The following NXPH1 variants were observed in gnomAD, a reference collection of about 807,000 sequenced individuals.
The protein encoded by NXPH1 is neurexophilin 1.
Under a neutral mutation model 23.7 loss-of-function variants are expected in NXPH1, and 5 were observed. The ratio of observed to expected loss-of-function variants is 0.21; its 90% CI spans 0.11 to 0.44. The LOEUF (loss-of-function observed/expected upper bound fraction) is 0.44. NXPH1 is among the 20% of genes least tolerant of loss of function. The probability of loss-of-function intolerance (pLI) is 0.99; values close to 1 mark genes in which losing one functional copy is unlikely to be tolerated. For missense variants in NXPH1, 324 were observed against 321.6 expected (o/e 1.01, Z -0.06); for synonymous variants, 144 against 122.2 (o/e 1.18, Z -1.18).
At chr7:8,515,372 C>T (rs1817671275) in intron 2 of NXPH1, among the ~76,000 whole-genome samples, 1 of 151,996 alleles carries the variant, frequency 6.6e-6, no homozygotes, top group Admixed American at 6.6e-5. Context: ...TATGCTGCTC[C>T]AAAGGCTAAT....
chr7:8,596,688 C>T (rs1024941074), intron 2 of NXPH1, among the ~76,000 whole-genome samples: 1 of 152,036 alleles, frequency 6.6e-6, no homozygotes, highest in African/African-American at 2.4e-5. Context: ...TTATCATGAT[C>T]CTTATTTTAC....
chr7:8,499,587 G>A (rs74933446), intron 2 of NXPH1, among the ~76,000 whole-genome samples: 2,811 of 152,198 alleles, frequency 0.018, 91 homozygotes, highest in African/African-American at 0.064. Context: ...GTAAGTGAGT[G>A]TATGCAGCAT....
Position 8,442,122 on chromosome 7 carries a change from A to G in NXPH1, c.54+6355A>G, listed in dbSNP as rs1816311436. ...AGCTCCTCTCGGGCCACGGCTTACG[A>G]AAAGCTTTCCTAGCTCCTTCTTCCT... is the stretch of plus-strand genomic sequence containing the variant. On this transcript the variant is annotated intron_variant, in intron 2 of 2. Coordinates refer to ENST00000405863, the MANE Select transcript of NXPH1 (RefSeq NM_152745.3). This position sits in a 1 kb window ranked among gnomAD's most constrained non-coding sequence, Gnocchi z 4.6. Among the ~76,000 whole-genome samples the G allele has an allele frequency of 6.6e-6, 1 of 152,150 alleles. No homozygotes were observed. Among genetic ancestry groups the G allele is most frequent in the African/African-American group, 2.4e-5 (1 of 41,428 alleles).
chr7:8,579,424 G>A (rs904472553), intron 2 of NXPH1, among the ~76,000 whole-genome samples: 9 of 150,654 alleles, frequency 6.0e-5, no homozygotes, highest in African/African-American at 2.2e-4. Context: ...CCAGGCTAGA[G>A]TGCAATGGTG....
chr7:8,477,834 A>G (rs1817002927), intron 2 of NXPH1, among the ~76,000 whole-genome samples: 1 of 152,142 alleles, frequency 6.6e-6, no homozygotes, highest in Admixed American at 6.6e-5. Context: ...CTTATTGTAG[A>G]GAAAGATTGA....
At chr7:8,713,516 T>C (rs1233859483) in intron 2 of NXPH1, among the ~76,000 whole-genome samples, 1 of 152,104 alleles carries the variant, frequency 6.6e-6, no homozygotes, top group East Asian at 1.9e-4. Context: ...ATTTTTTTTT[T>C]TTTGCTACCT....
intron 2 of NXPH1, among the ~76,000 whole-genome samples, chr7:8,483,591 G>A (rs1399183364): frequency 1.3e-5 from 2 of 152,094 alleles, no homozygotes; most frequent in Non-Finnish European, 2.9e-5. Flanking sequence ...TTACAGGCGT[G>A]CACCACCACA....
At chr7:8,689,100 G>A (rs541739018) in intron 2 of NXPH1, among the ~76,000 whole-genome samples, 19 of 152,224 alleles carry the variant, frequency 1.2e-4, no homozygotes, top group Admixed American at 1.1e-3. Flanking sequence ...CACGTATTGT[G>A]CCATTCATTA....
intron 2 of NXPH1, among the ~76,000 whole-genome samples, chr7:8,609,211 A>T (rs994403936): frequency 5.9e-5 from 9 of 152,194 alleles, no homozygotes; most frequent in Non-Finnish European, 7.4e-5. Context: ...AAGCTAGGTA[A>T]GTTAGGAAAA....
At chr7:8,477,461 G>C (rs1816995191) in intron 2 of NXPH1, among the ~76,000 whole-genome samples, 1 of 152,158 alleles carries the variant, frequency 6.6e-6, no homozygotes, top group East Asian at 1.9e-4. Flanking sequence ...GAGGATGACT[G>C]GGAAAATGGC....
intron 2 of NXPH1, among the ~76,000 whole-genome samples, chr7:8,455,122 C>T (rs140864835): frequency 2.0e-4 from 30 of 152,026 alleles, no homozygotes; most frequent in Middle Eastern, 3.4e-3. Flanking sequence ...TCGTATGCCA[C>T]GCCATTATTT....
intron 2 of NXPH1, among the ~76,000 whole-genome samples, chr7:8,610,674 A>G (rs1819598570): frequency 6.6e-6 from 1 of 151,960 alleles, no homozygotes; most frequent in South Asian, 2.1e-4. Context: ...ACTGGTTTCT[A>G]TTTTCTTCCT....
intron 2 of NXPH1, among the ~76,000 whole-genome samples, chr7:8,574,801 T>C (rs1378889377): frequency 5.9e-5 from 9 of 152,184 alleles, no homozygotes; most frequent in African/African-American, 2.2e-4. Flanking sequence ...GGACCTCAAA[T>C]AGAGTTTCTC....
chr7:8,723,066 T>C lies in NXPH1; in HGVS notation c.55-27942T>C, dbSNP rs555188919. The stretch of plus-strand genomic sequence containing the variant: ...TTAATTTGTGCTGTTAATGAACACT[T>C]TTACAGCTCTATTTTAAACCGTTGC... On this transcript the variant is annotated intron_variant, in intron 2 of 2. Transcript: ENST00000405863. Among the ~76,000 whole-genome samples, 8 of 152,332 alleles carry C rather than the reference T, an allele frequency of 5.3e-5. No homozygotes were observed. The South Asian group carries it at 1.7e-3, about 32-fold the overall frequency.
chr7:8,517,868 G>C (rs1817710783), intron 2 of NXPH1, among the ~76,000 whole-genome samples: 1 of 152,184 alleles, frequency 6.6e-6, no homozygotes, highest in Non-Finnish European at 1.5e-5. Context: ...AGAACCGTTA[G>C]GAGTGAACAG....
chr7:8,623,390 C>T (rs1285566542), intron 2 of NXPH1, among the ~76,000 whole-genome samples: 1 of 152,086 alleles, frequency 6.6e-6, no homozygotes, highest in Non-Finnish European at 1.5e-5. Flanking sequence ...AGATAAATGG[C>T]ATTTCAAGTA....
chr7:8,695,816 C>T (rs1451673115), intron 2 of NXPH1, among the ~76,000 whole-genome samples: 3 of 152,160 alleles, frequency 2.0e-5, no homozygotes, highest in Admixed American at 6.5e-5. Flanking sequence ...TTTGCTTACC[C>T]TCTGCAGTGA....
intron 2 of NXPH1, among the ~76,000 whole-genome samples, chr7:8,521,945 T>A (rs1817779077): frequency 6.6e-6 from 1 of 152,110 alleles, no homozygotes; most frequent in African/African-American, 2.4e-5. Context: ...TGAGATGATG[T>A]TGTGAGCCAA....
chr7:8,440,288 G>A (rs1816275757), intron 2 of NXPH1, among the ~76,000 whole-genome samples: 1 of 152,212 alleles, frequency 6.6e-6, no homozygotes, highest in Admixed American at 6.5e-5. Context: ...GAAGCACTTG[G>A]GTGGGACACT....
Sources: gnomAD v4.1 joint callset for allele counts (sites outside exome capture counted in the v4.1 genomes callset) on GRCh38, gnomAD v4.1.1 for gene constraint, Gnocchi (gnomAD v3.1) non-coding constraint, MANE v1.5 for transcripts, NCBI Gene and HGNC (gene_info 2026-07-23, HGNC 2026-07-21) for gene names.